The following ZBBX variants were observed in gnomAD, a reference collection of about 807,000 sequenced individuals.
ZBBX encodes zinc finger B-box domain-containing protein 1.
Under a neutral mutation model 108.5 loss-of-function variants are expected in ZBBX, and 101 were observed. The observed-to-expected ratio is 0.93, with a 90% CI of 0.79 to 1.10. ZBBX has a LOEUF of 1.10. Ranked by LOEUF, ZBBX falls within the 50% of genes least tolerant of loss-of-function variation. The pLI is 0.00. For synonymous variants in ZBBX, 356 were observed against 323.4 expected, an observed-to-expected ratio of 1.10 and a Z score of -1.08; for missense variants, 1,009 against 941.4, an observed-to-expected ratio of 1.07 and a Z score of -0.94.
intron 1 of ZBBX, among the ~76,000 whole-genome samples, chr3:167,399,803 T>C (rs1441233030): frequency 2.0e-5 from 3 of 152,128 alleles, no homozygotes; most frequent in Admixed American, 1.3e-4. Flanking sequence ...ATTAAACCTA[T>C]CACCCAGGTA....
In ZBBX at chr3:167,289,660, G is replaced by GA. The variant is rs1730317916; in HGVS notation, c.1880-678dup. ...CACCAGGGACCTTGGTTTCCAGCAC[G>GA]AAACTGGGTGGCCACTTGAGCAGAC... On this transcript the variant is annotated intron_variant, in intron 18 of 21. Coordinates refer to ENST00000675490, the MANE Select transcript of ZBBX (RefSeq NM_001199201.2). Among the ~76,000 whole-genome samples the GA allele has an allele frequency of 4.6e-5, 7 of 152,286 alleles. No homozygotes were observed. In the South Asian group the frequency reaches 1.5e-3, roughly 32 times the overall value.
chr3:167,359,877 G>A lies in ZBBX; in HGVS notation c.425C>T (p.Ala142Val). ...ACTATATAACGTACATACCAGTAGA[G>A]CAGCTTTGTTCTCACACTGTCCACA... ...KVCGQCENKA[A>V]LLVCLECGED... The change falls in exon 8 of 22, where the codon GCT becomes GTT. Residue 142 changes from alanine (A) to valine (V), a missense_variant. Transcript: ENST00000675490. 1 of 1,494,870 alleles carries A rather than the reference G, an allele frequency of 6.7e-7. No homozygotes were observed. The highest frequency in any genetic ancestry group is 9.1e-7 in the Non-Finnish European group (1 of 1,095,830). 92.6% of individuals were successfully genotyped at this position (1,494,870 alleles called of 1,614,324 possible). A position where few individuals can be genotyped will look rare whatever the true frequency, so the allele number is the denominator to read the frequency against.
chr3:167,391,125 C>G (rs1011029507), intron 1 of ZBBX, among the ~76,000 whole-genome samples: 2 of 152,042 alleles, frequency 1.3e-5, no homozygotes, highest in Admixed American at 6.6e-5. Flanking sequence ...ATGGGTTTGT[C>G]AACAATAGCT....
chr3:167,310,291 T>C (rs1734356217), intron 16 of ZBBX, among the ~76,000 whole-genome samples: 1 of 152,192 alleles, frequency 6.6e-6, no homozygotes, highest in Non-Finnish European at 1.5e-5. Flanking sequence ...TCCTAAGCTT[T>C]CCCACATCTT....
chr3:167,385,648 A>G (rs750956922), intron 1 of ZBBX, among the ~76,000 whole-genome samples: 10 of 151,932 alleles, frequency 6.6e-5, no homozygotes, highest in East Asian at 5.8e-4. Flanking sequence ...ATACTTATCT[A>G]TAAGCCTTTT....
chr3:167,301,527 T>C (rs1732667259), intron 17 of ZBBX, among the ~76,000 whole-genome samples: 1 of 152,258 alleles, frequency 6.6e-6, no homozygotes, highest in African/African-American at 2.4e-5. Context: ...TAATTTTTAC[T>C]TTTTTCTTGC....
chr3:167,363,119 GC>G (rs1459586344), intron 6 of ZBBX, among the ~76,000 whole-genome samples: 1 of 151,772 alleles, frequency 6.6e-6, no homozygotes, highest in Non-Finnish European at 1.5e-5. Flanking sequence ...GTTTTTCAGT[GC>G]CAACCTCAAT....
At chr3:167,184,507 C>T in the ZBBX span, among the ~76,000 whole-genome samples, 1 of 152,094 alleles carries the variant, frequency 6.6e-6, no homozygotes, top group Non-Finnish European at 1.5e-5. Context: ...TCCCTGGTAT[C>T]TACCCAAGTG....
chr3:167,270,247 C>T (rs181879328), intron 20 of ZBBX, among the ~76,000 whole-genome samples: 48 of 152,220 alleles, frequency 3.2e-4, no homozygotes, highest in Admixed American at 1.9e-3. Context: ...AGAATAGTGC[C>T]GGAGCAAGTT....
chr3:167,276,678 T>C (rs1016956965), intron 20 of ZBBX, among the ~76,000 whole-genome samples: 1 of 152,146 alleles, frequency 6.6e-6, no homozygotes, highest in Non-Finnish European at 1.5e-5. Flanking sequence ...CTGCAGGATA[T>C]TATCCAGGAG....
the ZBBX span, among the ~76,000 whole-genome samples, chr3:167,229,474 T>A: frequency 6.6e-6 from 1 of 151,936 alleles, no homozygotes; most frequent in African/African-American, 2.4e-5. Flanking sequence ...GCCTAACACA[T>A]AATGAATTGT....
intron 8 of ZBBX, among the ~76,000 whole-genome samples, chr3:167,357,191 T>G (rs1387933177): frequency 6.6e-6 from 1 of 152,090 alleles, no homozygotes; most frequent in Non-Finnish European, 1.5e-5. Flanking sequence ...CCCTGTGGCA[T>G]TCCAACATTA....
At chr3:167,244,947 T>C (rs1721296593) in intron 20 of ZBBX, among the ~76,000 whole-genome samples, 1 of 151,994 alleles carries the variant, frequency 6.6e-6, no homozygotes, top group South Asian at 2.1e-4. Context: ...AACACATACA[T>C]AAAACTATAT....
intron 18 of ZBBX, among the ~76,000 whole-genome samples, chr3:167,297,176 A>G (rs58095130): frequency 0.05 from 7,661 of 152,062 alleles, 529 homozygotes; most frequent in African/African-American, 0.15. Flanking sequence ...AATCAAGTTA[A>G]TTAACATATG....
At chr3:167,249,117 G>A (rs1576769862) in intron 20 of ZBBX, among the ~76,000 whole-genome samples, 1 of 152,210 alleles carries the variant, frequency 6.6e-6, no homozygotes, top group Admixed American at 6.5e-5. Context: ...TCAGAATCTG[G>A]AGGAAAAGTG....
At chr3:167,188,225 C>A in the ZBBX span, among the ~76,000 whole-genome samples, 2 of 152,118 alleles carry the variant, frequency 1.3e-5, no homozygotes, top group Non-Finnish European at 2.9e-5. Context: ...TTTATACATT[C>A]ATTCATACTT....
chr3:167,349,408 G>C (rs1463129770), intron 9 of ZBBX, among the ~76,000 whole-genome samples: 1 of 151,884 alleles, frequency 6.6e-6, no homozygotes, highest in East Asian at 1.9e-4. Context: ...GTTGGTTTTT[G>C]TTTTTTTCTC....
At chr3:167,359,574 G>A (rs569249941) in intron 8 of ZBBX, among the ~76,000 whole-genome samples, 2 of 152,148 alleles carry the variant, frequency 1.3e-5, no homozygotes, top group East Asian at 1.9e-4. Context: ...GTTTTGGATG[G>A]GATATACTGC....
upstream of ZBBX, among the ~76,000 whole-genome samples, chr3:167,383,367 T>G (rs1198123263): frequency 1.3e-5 from 2 of 152,044 alleles, no homozygotes; most frequent in African/African-American, 4.8e-5. Flanking sequence ...CTATTACATA[T>G]GTATGGGGTT....
Sources: allele counts gnomAD v4.1 joint callset (sites outside exome capture counted in the v4.1 genomes callset), GRCh38; gene constraint gnomAD v4.1.1; transcripts MANE v1.5; gene names NCBI Gene and HGNC (gene_info 2026-07-23, HGNC 2026-07-21).